The following RANBP2 variants were observed in gnomAD, a reference collection of about 807,000 sequenced individuals.
RANBP2 encodes the protein RAN binding protein 2, also known as E3 SUMO-protein ligase RanBP2.
RANBP2 carries 57 observed loss-of-function variants against 303.6 expected under a neutral mutation model. The observed-to-expected ratio is 0.19, with a 90% CI of 0.15 to 0.23. The LOEUF (loss-of-function observed/expected upper bound fraction) is 0.23, where lower values mean the gene tolerates loss of function less well. Ranked by LOEUF, RANBP2 falls within the 10% of genes least tolerant of loss-of-function variation. The probability of loss-of-function intolerance (pLI) is 1.00; values close to 1 mark genes in which losing one functional copy is unlikely to be tolerated. For missense variants in RANBP2, 3,138 were observed against 3,780.8 expected (o/e 0.83, Z 4.46); for synonymous variants, 1,167 against 1,301.5 (o/e 0.90, Z 2.23).
chr2:109,722,757 T>C, the RANBP2 span, among the ~76,000 whole-genome samples: 2 of 152,338 alleles, frequency 1.3e-5, no homozygotes, highest in East Asian at 3.9e-4. Flanking sequence ...CTGCATTAGT[T>C]TGCTGAAGAT....
the RANBP2 span, among the ~76,000 whole-genome samples, chr2:108,966,976 C>T: frequency 6.6e-6 from 1 of 152,178 alleles, no homozygotes; most frequent in African/African-American, 2.4e-5. Context: ...ACTCTGTTGC[C>T]CAGGCTGGAG....
chr2:108,729,376 CG>C, intron 2 of RANBP2, among the ~76,000 whole-genome samples, 177 bp downstream of exon 2: 1 of 152,228 alleles, frequency 6.6e-6, no homozygotes, highest in Middle Eastern at 3.4e-3. Context: ...AGATTGAAAC[CG>C]TAATTAGTGT....
At chr2:108,857,464 C>T in the RANBP2 span, among the ~76,000 whole-genome samples, 1 of 151,976 alleles carries the variant, frequency 6.6e-6, no homozygotes, top group Non-Finnish European at 1.5e-5. Flanking sequence ...CCAGGGATTC[C>T]CCAGCTAAAC....
chr2:109,288,938 G>A, the RANBP2 span, among the ~76,000 whole-genome samples: 1 of 152,190 alleles, frequency 6.6e-6, no homozygotes, highest in Non-Finnish European at 1.5e-5. Context: ...CCAACCCATA[G>A]CTATGAATAA....
chr2:109,144,046 G>A, the RANBP2 span, among the ~76,000 whole-genome samples: 1 of 152,188 alleles, frequency 6.6e-6, no homozygotes, highest in South Asian at 2.1e-4. Flanking sequence ...CGAGGCGCCG[G>A]AAGTGTGGGA....
At chr2:109,481,049 G>A in the RANBP2 span, among the ~76,000 whole-genome samples, 1 of 152,226 alleles carries the variant, frequency 6.6e-6, no homozygotes, top group Non-Finnish European at 1.5e-5. Flanking sequence ...GGGAAACAGA[G>A]GGACAGGCAG....
chr2:109,545,720 G>C, the RANBP2 span: 1 of 1,444,466 alleles, frequency 6.9e-7, no homozygotes, highest in Non-Finnish European at 9.0e-7. Flanking sequence ...GCCATTAGCT[G>C]TGTACTAGGG....
the RANBP2 span, among the ~76,000 whole-genome samples, chr2:108,983,313 T>A: frequency 6.6e-6 from 1 of 152,198 alleles, no homozygotes; most frequent in Non-Finnish European, 1.5e-5. Context: ...TCCTCTAAAG[T>A]ACCTTTTAGG....
the RANBP2 span, among the ~76,000 whole-genome samples, chr2:109,210,640 G>C: frequency 2.0e-5 from 3 of 152,186 alleles, no homozygotes; most frequent in Admixed American, 1.3e-4. Flanking sequence ...GGGGCCTGGA[G>C]TAAGGGGAGA....
At chr2:109,335,534 AT>A in the RANBP2 span, among the ~76,000 whole-genome samples, 1 of 151,666 alleles carries the variant, frequency 6.6e-6, no homozygotes, top group Non-Finnish European at 1.5e-5. Flanking sequence ...ACGTTCTAAG[AT>A]TTCACCCTAT....
At chr2:108,867,875 TGTA>T in the RANBP2 span, among the ~76,000 whole-genome samples, 1 of 152,246 alleles carries the variant, frequency 6.6e-6, no homozygotes, top group East Asian at 1.9e-4. Context: ...TTTTGTCCCG[TGTA>T]ATAAATAGCA....
intron 24 of RANBP2, 116 bp from the exon 25 acceptor site, chr2:108,777,014 A>G (rs1428099725): frequency 4.8e-6 from 4 of 835,292 alleles, no homozygotes; most frequent in East Asian, 2.6e-5. Flanking sequence ...CAGAATTTAA[A>G]TAACTCCCCT....
the RANBP2 span, among the ~76,000 whole-genome samples, chr2:109,062,356 T>A: frequency 6.6e-6 from 1 of 152,166 alleles, no homozygotes; most frequent in Non-Finnish European, 1.5e-5. Flanking sequence ...AAGGCTGGAA[T>A]GGATGTGTCT....
the RANBP2 span, among the ~76,000 whole-genome samples, chr2:109,602,781 A>T: frequency 2.0e-5 from 3 of 151,954 alleles, no homozygotes; most frequent in African/African-American, 4.8e-5. Context: ...GAAATTTGAG[A>T]AGTCATTTAT....
chr2:109,266,289 G>A, the RANBP2 span, among the ~76,000 whole-genome samples: 1 of 148,476 alleles, frequency 6.7e-6, no homozygotes, highest in Non-Finnish European at 1.5e-5. Context: ...GCATGTTTGT[G>A]TTGTGTGTAT....
the RANBP2 span, among the ~76,000 whole-genome samples, chr2:108,839,752 G>GGAA: frequency 6.6e-6 from 1 of 151,560 alleles, no homozygotes; most frequent in East Asian, 1.9e-4. Flanking sequence ...ACTAGTTTTA[G>GGAA]GAGTTTTCTT....
the RANBP2 span, among the ~76,000 whole-genome samples, chr2:109,163,604 T>A: frequency 6.6e-6 from 1 of 151,578 alleles, no homozygotes; most frequent in Non-Finnish European, 1.5e-5. Context: ...TTTCACCGTT[T>A]TAGCCGGGAT....
the RANBP2 span, among the ~76,000 whole-genome samples, chr2:108,901,783 A>T: frequency 6.6e-6 from 1 of 152,242 alleles, no homozygotes; most frequent in Non-Finnish European, 1.5e-5. Flanking sequence ...CAGACTTATA[A>T]CTATTAAGGA....
chr2:109,263,360 A>G, the RANBP2 span, among the ~76,000 whole-genome samples: 2 of 152,142 alleles, frequency 1.3e-5, no homozygotes, highest in African/African-American at 2.4e-5. Flanking sequence ...CAGTTTTTGT[A>G]TATCTGGAAT....
Sources: allele counts gnomAD v4.1 joint callset (sites outside exome capture counted in the v4.1 genomes callset), GRCh38; gene constraint gnomAD v4.1.1; transcripts MANE v1.5; gene names NCBI Gene and HGNC (gene_info 2026-07-23, HGNC 2026-07-21).